Variants in COL28A1 observed in about 807,000 individuals in gnomAD.
COL28A1 encodes collagen type XXVIII alpha 1 chain.
Under a neutral mutation model 150.2 loss-of-function variants are expected in COL28A1, and 161 were observed. The observed-to-expected ratio is 1.07, with a 90% CI of 0.94 to 1.22. COL28A1 has a LOEUF of 1.22. Ranked by LOEUF, COL28A1 falls within the 50% of genes most tolerant of loss-of-function variation. COL28A1 has a pLI of 0.00. For missense variants in COL28A1, 1,617 were observed against 1,388.3 expected (o/e 1.16, Z -2.62); for synonymous variants, 552 against 469.7 (o/e 1.18, Z -2.26).
intron 18 of COL28A1, among the ~76,000 whole-genome samples, chr7:7,447,937 G>A (rs1485797912): frequency 6.6e-6 from 1 of 152,044 alleles, no homozygotes; most frequent in African/African-American, 2.4e-5. Context: ...GAGTGGTGGT[G>A]CCGCCTGTAA....
chr7:7,420,944 G>A (rs1253647271), intron 25 of COL28A1, among the ~76,000 whole-genome samples: 1 of 152,158 alleles, frequency 6.6e-6, no homozygotes, highest in Non-Finnish European at 1.5e-5. Flanking sequence ...GTGGTTTAAG[G>A]TTCAACATAA....
the COL28A1 span, among the ~76,000 whole-genome samples, chr7:7,341,615 T>G: frequency 6.6e-6 from 1 of 152,102 alleles, no homozygotes; most frequent in Non-Finnish European, 1.5e-5. Flanking sequence ...TATACAGTTT[T>G]ACCACTTAAA....
chr7:7,453,481 C>T lies in COL28A1; in HGVS notation c.1399G>A (p.Gly467Ser). Residue 467 changes from glycine (G) to serine (S), a missense_variant, in exon 17 of 35, where the codon GGT (glycine) becomes AGT (serine). Gly to Ser is a moderately conservative substitution (Grantham distance 56). Transcript: ENST00000399429. ...QGIQGPIGPPGPQGPAGQGLP... is the reference protein window; with the variant it reads ...QGIQGPIGPPSPQGPAGQGLP... ...CCCTGTCCTGCGGGCCCTTGTGGAC[C>T]AGGTGGACCAATAGGACCTTGGATT... The T allele has an allele frequency of 7.9e-7, 1 of 1,261,414 alleles. No homozygotes were observed. The highest frequency in any genetic ancestry group is 1.2e-6 in the Non-Finnish European group (1 of 862,694). The allele number at this position is 1,261,414 out of a possible 1,614,324, so 78.1% of individuals were successfully genotyped here. A position where few individuals can be genotyped will look rare whatever the true frequency, so the allele number is the denominator to read the frequency against.
Position 7,373,679 on chromosome 7 carries a change from C to T in COL28A1, c.2360-133G>A, listed in dbSNP as rs957626217. The T allele has an allele frequency of 1.4e-6, 1 of 721,046 alleles. No individual in the cohort carries two copies. The highest frequency in any genetic ancestry group is 1.8e-5 in the African/African-American group (1 of 55,380). The allele number at this position is 721,046 out of a possible 1,614,324, so 44.7% of individuals were successfully genotyped here. A position where few individuals can be genotyped will look rare whatever the true frequency, so the allele number is the denominator to read the frequency against. On this transcript the variant is annotated intron_variant, in intron 31 of 34. Coordinates refer to ENST00000399429, the MANE Select transcript of COL28A1 (RefSeq NM_001037763.3). The surrounding 1 kb of genome is among the most constrained non-coding windows in gnomAD (Gnocchi z 4.1). The stretch of plus-strand genomic sequence containing the variant: ...TTCCTTTTCTGTGATTGTGAAAATA[C>T]CTGACAGCTGTCTCCATTCTGGTTT...
intron 27 of COL28A1, among the ~76,000 whole-genome samples, chr7:7,403,042 C>T (rs747333421): frequency 1.3e-5 from 2 of 152,144 alleles, no homozygotes; most frequent in Non-Finnish European, 2.9e-5. Flanking sequence ...AATGATCACT[C>T]ATGGTGTGAG....
chr7:7,379,192 C>G (rs376179731), intron 30 of COL28A1, among the ~76,000 whole-genome samples: 1 of 152,124 alleles, frequency 6.6e-6, no homozygotes. Context: ...TCTAAAACAC[C>G]CTGCAGTACT....
At chr7:7,363,863 C>T (rs1347499409) in intron 33 of COL28A1, among the ~76,000 whole-genome samples, 1 of 152,108 alleles carries the variant, frequency 6.6e-6, no homozygotes, top group East Asian at 1.9e-4. Flanking sequence ...TCACTGCAAC[C>T]TCCACCTCCC....
At chr7:7,355,212 A>G (rs1239217054), downstream of COL28A1, among the ~76,000 whole-genome samples, 1 of 152,232 alleles carries the variant, frequency 6.6e-6, no homozygotes, top group Non-Finnish European at 1.5e-5. Flanking sequence ...AGGAAAAGAC[A>G]AACAATCCAA....
chr7:7,486,564 C>T (rs1723547343), intron 13 of COL28A1, among the ~76,000 whole-genome samples: 1 of 152,138 alleles, frequency 6.6e-6, no homozygotes, highest in South Asian at 2.1e-4. Context: ...ATAATGTTAG[C>T]TCTAGATTTC....
rs191369717 is a variant in COL28A1, at chr7:7,427,153, A to G, written c.1998+5320T>C. On this transcript the variant is annotated intron_variant, in intron 25 of 34. Coordinates refer to ENST00000399429, the MANE Select transcript of COL28A1 (RefSeq NM_001037763.3). ...ATTCAAAGTCATGAGGTGGACTACT[A>G]GAGTGCAGCTCAGATTTTAGAGATC... is the stretch of plus-strand genomic sequence containing the variant. Among the ~76,000 whole-genome samples the G allele has an allele frequency of 2.7e-4, 41 of 152,340 alleles. No homozygotes were observed. In the East Asian group the frequency reaches 3.5e-3, roughly 13 times the overall value.
chr7:7,423,575 G>C (rs1784490211), intron 25 of COL28A1, among the ~76,000 whole-genome samples: 1 of 151,934 alleles, frequency 6.6e-6, no homozygotes, highest in Non-Finnish European at 1.5e-5. Context: ...TTTTAACATA[G>C]GGATACGGAG....
intron 16 of COL28A1, among the ~76,000 whole-genome samples, 199 bp from the exon 17 acceptor site, chr7:7,453,707 C>T (rs947613687): frequency 1.4e-4 from 21 of 152,092 alleles, no homozygotes; most frequent in Admixed American, 7.9e-4. Context: ...TTAGCTGGCC[C>T]GTATATCTGC....
chr7:7,524,306 CT>C, intron 3 of COL28A1, 57 bp from the exon 4 acceptor site: 1 of 940,562 alleles, frequency 1.1e-6, no homozygotes, highest in Non-Finnish European at 1.8e-6. Flanking sequence ...CCTCCAGCTA[CT>C]TATTAGTCAT....
rs762877700 is a variant in COL28A1 at position 7,531,402 on chromosome 7, T to C, written c.627A>G (p.Glu209=). 11 of 1,599,040 alleles carry C rather than the reference T, an allele frequency of 6.9e-6. No individual in the cohort carries two copies. Among genetic ancestry groups the C allele is most frequent in the Non-Finnish European group, 9.4e-6 (11 of 1,169,596 alleles). ...TTGGATCACTCAACAGTAAAGTGGG[T>C]TCACTGGATGAATCCCCAGAAATCA... The part of the protein sequence containing the change: ...LRLISGDSSS[E]PTLLLSDPTL... The change falls in exon 3 of 35, where the codon GAA becomes GAG. Residue 209 remains glutamate (E), a synonymous_variant. Transcript: ENST00000399429.
chr7:7,524,251 T>C lies in COL28A1; in HGVS notation c.682-2A>G. The C allele has an allele frequency of 7.4e-7, 1 of 1,355,720 alleles. No individual in the cohort carries two copies. The highest frequency in any genetic ancestry group is 1.1e-6 in the Non-Finnish European group (1 of 944,726). The allele number at this position is 1,355,720 out of a possible 1,614,324, so 84.0% of individuals were successfully genotyped here. A position where few individuals can be genotyped will look rare whatever the true frequency, so the allele number is the denominator to read the frequency against. ...TACCTTCTTTTCAAATAAGATATCC[T>C]ACAAGGGAAAAAAGAATGAAGCATT... On this transcript the variant is annotated splice_acceptor_variant, in intron 3 of 34. Transcript: ENST00000399429. LOFTEE classifies it high-confidence loss of function.
intron 11 of COL28A1, among the ~76,000 whole-genome samples, chr7:7,505,127 C>T (rs550660789): frequency 8.5e-5 from 13 of 152,306 alleles, no homozygotes; most frequent in South Asian, 2.1e-4. Context: ...GTAAATCACA[C>T]ACTGTCATTA....
intron 15 of COL28A1, among the ~76,000 whole-genome samples, chr7:7,471,559 G>T (rs989116247): frequency 1.8e-4 from 27 of 152,176 alleles, no homozygotes; most frequent in African/African-American, 6.5e-4. Flanking sequence ...GCAGGGATGG[G>T]TTTAACATAC....
At chr7:7,526,783 C>T (rs868717535) in intron 3 of COL28A1, among the ~76,000 whole-genome samples, 2 of 152,100 alleles carry the variant, frequency 1.3e-5, no homozygotes, top group South Asian at 2.1e-4. Context: ...TTACAGAGCA[C>T]GCCAACAAGC....
the COL28A1 span, among the ~76,000 whole-genome samples, chr7:7,542,687 C>T: frequency 6.6e-6 from 1 of 152,086 alleles, no homozygotes; most frequent in Admixed American, 6.6e-5. Flanking sequence ...GCAACGGGAG[C>T]CACTGAACAA....
Sources: gnomAD v4.1 joint callset for allele counts (sites outside exome capture counted in the v4.1 genomes callset) on GRCh38, gnomAD v4.1.1 for gene constraint, Gnocchi (gnomAD v3.1) non-coding constraint, MANE v1.5 for transcripts, NCBI Gene and HGNC (gene_info 2026-07-23, HGNC 2026-07-21) for gene names.